GAD2: variants seen among roughly 807,000 people sequenced by gnomAD.
GAD2 encodes the protein 65 kDa glutamic acid decarboxylase.
In GAD2, 22 loss-of-function variants were observed where a neutral mutation model predicts 80.1. The ratio of observed to expected loss-of-function variants is 0.27; its 90% confidence interval spans 0.20 to 0.39. GAD2 has a LOEUF of 0.39. GAD2 is among the 10% of genes least tolerant of loss of function. GAD2 has a pLI of 1.00. For missense variants in GAD2, 624 were observed against 738.4 expected (o/e 0.85, Z 1.80); for synonymous variants, 274 against 256.9 (o/e 1.07, Z -0.64).
chr10:26,256,164 A>G (rs1272645984), intron 8 of GAD2, among the ~76,000 whole-genome samples: 2 of 152,166 alleles, frequency 1.3e-5, no homozygotes, highest in Non-Finnish European at 2.9e-5. Context: ...GCTTTCTCTC[A>G]ATATATGCTG....
intron 12 of GAD2, among the ~76,000 whole-genome samples, chr10:26,283,814 A>C (rs576703207): frequency 7.6e-4 from 116 of 152,290 alleles, no homozygotes; most frequent in Middle Eastern, 3.4e-3. Flanking sequence ...TCTCAAATGG[A>C]AGAGATTTGG....
chr10:26,219,204 G>A lies in GAD2; in HGVS notation c.448G>A (p.Ala150Thr), dbSNP rs1451275808. 3 of 1,613,550 alleles carry A rather than the reference G, an allele frequency of 1.9e-6. No individual in the cohort carries two copies. The Admixed American group carries it at 5.0e-5, about 27-fold the overall frequency. ...TCTCCAAGAATATAATTGGGAATTG[G>A]CAGACCAACCACAAAATTTGGAGGA... is the stretch of plus-strand genomic sequence containing the variant. ...ELLQEYNWEL[A>T]DQPQNLEEIL... The change falls in exon 4 of 16, where the codon GCA (alanine) becomes ACA (threonine). Residue 150 changes from alanine to threonine, a missense_variant. By Grantham distance (58) the Ala-to-Thr change is moderately conservative. Transcript: ENST00000376261.
At chr10:26,256,177 T>A (rs1305914711) in intron 8 of GAD2, among the ~76,000 whole-genome samples, 1 of 152,180 alleles carries the variant, frequency 6.6e-6, no homozygotes, top group Non-Finnish European at 1.5e-5. Flanking sequence ...ATATGCTGTA[T>A]ATAAAATCCA....
intron 8 of GAD2, among the ~76,000 whole-genome samples, chr10:26,262,847 A>C (rs546634091): frequency 1.4e-5 from 2 of 146,280 alleles, no homozygotes; most frequent in Non-Finnish European, 3.0e-5. Context: ...TTTTATCATA[A>C]TCCTTTTTTT....
Position 26,217,844 on chromosome 10 carries a change from CTGCTCTACGGA to C in GAD2, c.140_150del (p.Leu47ArgfsTer52). ...CCGCGTTCGGTGTCCTTACCCAGCC[CTGCTCTACGGA>C]GACGCCGAGAAGCCGGCGGAGAGCG... On this transcript the variant is annotated frameshift_variant, in exon 3 of 16. Transcript: ENST00000376261. LOFTEE classifies it high-confidence loss of function. This position sits in a 1 kb window ranked among gnomAD's most constrained non-coding sequence, Gnocchi z 4.9. 1.2e-6 allele frequency: 2 copies of C among 1,604,198 alleles called. No homozygotes were observed. The highest frequency in any genetic ancestry group is 1.7e-6 in the Non-Finnish European group (2 of 1,175,348).
intron 6 of GAD2, among the ~76,000 whole-genome samples, chr10:26,227,526 C>G (rs949260900): frequency 2.0e-5 from 3 of 152,224 alleles, no homozygotes; most frequent in African/African-American, 7.2e-5. Flanking sequence ...TTCTCTTCTT[C>G]CCTCCTTCCT....
chr10:26,253,822 A>T (rs995360303), intron 8 of GAD2, among the ~76,000 whole-genome samples: 1 of 152,132 alleles, frequency 6.6e-6, no homozygotes, highest in Non-Finnish European at 1.5e-5. Context: ...CCAGATAAAG[A>T]GAAGAGGCAA....
chr10:26,251,077 T>A (rs1193959914), intron 8 of GAD2, among the ~76,000 whole-genome samples: 9 of 150,420 alleles, frequency 6.0e-5, no homozygotes, highest in African/African-American at 1.9e-4. Context: ...TTTTTTGTAT[T>A]TTTTAGTAGA....
chr10:26,282,765 T>C (rs551325803), intron 12 of GAD2, among the ~76,000 whole-genome samples: 54 of 152,368 alleles, frequency 3.5e-4, no homozygotes, highest in African/African-American at 1.3e-3. Context: ...TCTGTGGTTC[T>C]TAATACCTCC....
chr10:26,286,170 A>G (rs1845329024), intron 12 of GAD2, among the ~76,000 whole-genome samples, 175 bp from the exon 13 acceptor site: 1 of 152,212 alleles, frequency 6.6e-6, no homozygotes, highest in African/African-American at 2.4e-5. Flanking sequence ...CATTACAACA[A>G]CCTAGACACT....
Position 26,222,452 on chromosome 10 carries a change from G to A in GAD2, c.521-1435G>A, listed in dbSNP as rs78446854. ...GAAGGAGCATCGGGAGGGAGGAAAT[G>A]GCTGTGATTTCAGCTGCGAGCATAA... On this transcript the variant is annotated intron_variant, in intron 4 of 15. Transcript: ENST00000376261. Among the ~76,000 whole-genome samples the A allele has an allele frequency of 8.6e-3, 1,308 of 152,116 alleles. 17 individuals carry two copies. The highest frequency in any genetic ancestry group is 0.029 in the African/African-American group (1,197 of 41,494).
chr10:26,261,813 G>A (rs1261820399), intron 8 of GAD2, among the ~76,000 whole-genome samples: 1 of 151,500 alleles, frequency 6.6e-6, no homozygotes, highest in Non-Finnish European at 1.5e-5. Flanking sequence ...TTCTCTTCTG[G>A]AATGGATGTT....
chr10:26,269,946 G>C (rs1320429698), intron 9 of GAD2, among the ~76,000 whole-genome samples: 2 of 152,072 alleles, frequency 1.3e-5, no homozygotes, highest in Non-Finnish European at 2.9e-5. Context: ...TTAAACCTTT[G>C]CTGCCACCTA....
intron 8 of GAD2, among the ~76,000 whole-genome samples, chr10:26,265,813 C>A (rs1273496180): frequency 6.6e-6 from 1 of 152,258 alleles, no homozygotes; most frequent in African/African-American, 2.4e-5. Flanking sequence ...AAGGCCAGGA[C>A]TGATCCAACA....
intron 6 of GAD2, among the ~76,000 whole-genome samples, chr10:26,226,147 C>G (rs1446401794): frequency 6.6e-6 from 1 of 152,000 alleles, no homozygotes; most frequent in Non-Finnish European, 1.5e-5. Flanking sequence ...TTAATGGTCC[C>G]CGGGAGTAGG....
chr10:26,302,661 T>C lies in GAD2; in HGVS notation c.*1700T>C, dbSNP rs1027926280. On this transcript the variant is annotated 3_prime_UTR_variant, in exon 16 of 16. Transcript: ENST00000376261. ...CAACGGGTAGAAATGCCCTACAATA[T>C]AACATAGAGAAATGCCCTATAATAT... The C allele has an allele frequency of 2.6e-5, 4 of 152,156 alleles. No homozygotes were observed. The highest frequency in any genetic ancestry group is 5.9e-5 in the Non-Finnish European group (4 of 68,036). 9.4% of individuals were successfully genotyped at this position (152,156 alleles called of 1,614,324 possible).
intron 8 of GAD2, among the ~76,000 whole-genome samples, chr10:26,248,524 T>C (rs544125165): frequency 6.6e-6 from 1 of 152,350 alleles, no homozygotes; most frequent in South Asian, 2.1e-4. Context: ...TATGTTAAGA[T>C]GTTACCTTTA....
intron 11 of GAD2, among the ~76,000 whole-genome samples, chr10:26,275,938 G>A (rs1374885185): frequency 6.6e-6 from 1 of 152,112 alleles, no homozygotes; most frequent in Non-Finnish European, 1.5e-5. Flanking sequence ...AAGGATCATT[G>A]AGGCCAGTTC....
intron 11 of GAD2, among the ~76,000 whole-genome samples, chr10:26,277,135 C>T (rs971703509): frequency 6.6e-6 from 1 of 152,162 alleles, no homozygotes; most frequent in Non-Finnish European, 1.5e-5. Flanking sequence ...TGTAGCTCAG[C>T]ATCATAGCAT....
Sources: gnomAD v4.1 joint callset for allele counts (sites outside exome capture counted in the v4.1 genomes callset) on GRCh38, gnomAD v4.1.1 for gene constraint, Gnocchi (gnomAD v3.1) non-coding constraint, MANE v1.5 for transcripts, NCBI Gene and HGNC (gene_info 2026-07-23, HGNC 2026-07-21) for gene names.